GRIK4: variants seen among roughly 807,000 people sequenced by gnomAD.
GRIK4 encodes glutamate ionotropic receptor kainate type subunit 4.
Under a neutral mutation model 104.9 loss-of-function variants are expected in GRIK4, and 40 were observed. That is an observed-to-expected ratio of 0.38 (90% CI 0.30 to 0.50). GRIK4 has a LOEUF of 0.50. Among genes scored for constraint, GRIK4 ranks in the 20% least tolerant of loss-of-function variants. The pLI, the probability that GRIK4 is intolerant of heterozygous loss-of-function variation, is 0.93. For missense variants in GRIK4, 1,047 were observed against 1,308.1 expected (o/e 0.80, Z 3.08); for synonymous variants, 485 against 524.9 (o/e 0.92, Z 1.04).
chr11:120,929,913 T>A (rs1465511387), intron 13 of GRIK4, among the ~76,000 whole-genome samples: 1 of 151,984 alleles, frequency 6.6e-6, no homozygotes, highest in African/African-American at 2.4e-5. Context: ...TCCAGCCTCC[T>A]GACAAAAATC....
intron 1 of GRIK4, among the ~76,000 whole-genome samples, chr11:120,550,976 AG>A (rs1338964910): frequency 2.0e-5 from 3 of 152,136 alleles, no homozygotes; most frequent in Admixed American, 2.0e-4. Context: ...TGCACAGTGA[AG>A]GGCATGATCT....
At chr11:120,595,035 A>G (rs972648708) in intron 1 of GRIK4, among the ~76,000 whole-genome samples, 2 of 152,202 alleles carry the variant, frequency 1.3e-5, no homozygotes, top group African/African-American at 4.8e-5. Context: ...TTCAGGATCA[A>G]CCACAAAGTT....
At chr11:120,894,120 G>A (rs1942500536) in intron 11 of GRIK4, among the ~76,000 whole-genome samples, 1 of 152,188 alleles carries the variant, frequency 6.6e-6, no homozygotes, top group Non-Finnish European at 1.5e-5. Context: ...CCCATAGTGT[G>A]AAGCCTTTCA....
intron 1 of GRIK4, among the ~76,000 whole-genome samples, chr11:120,622,790 T>G (rs2135167776): frequency 6.6e-6 from 1 of 152,320 alleles, no homozygotes; most frequent in South Asian, 2.1e-4. Context: ...TCTGGTGGCT[T>G]TAGCTGGTCT....
intron 3 of GRIK4, among the ~76,000 whole-genome samples, chr11:120,748,747 T>C (rs1030493918): frequency 2.0e-5 from 3 of 152,122 alleles, no homozygotes; most frequent in Non-Finnish European, 2.9e-5. Context: ...CACCATTTGC[T>C]CTTTGCATGA....
chr11:120,711,103 T>G (rs985643622), intron 3 of GRIK4, among the ~76,000 whole-genome samples: 1 of 151,972 alleles, frequency 6.6e-6, no homozygotes, highest in African/African-American at 2.4e-5. Flanking sequence ...GAGCTCCAAG[T>G]CAGTGTCTCT....
chr11:120,922,733 C>T (rs4936563), intron 13 of GRIK4, among the ~76,000 whole-genome samples: 26,554 of 152,164 alleles, frequency 0.17, 3,057 homozygotes, highest in East Asian at 0.4. Context: ...TTAGTTGTGC[C>T]GATGGCGGTG....
At chr11:120,669,382 T>G (rs1030903167) in intron 3 of GRIK4, among the ~76,000 whole-genome samples, 3 of 152,252 alleles carry the variant, frequency 2.0e-5, no homozygotes, top group African/African-American at 7.2e-5. Context: ...TTCCCGCTTC[T>G]TAAAAACCTT....
intron 1 of GRIK4, among the ~76,000 whole-genome samples, chr11:120,590,158 G>A (rs2135110934): frequency 6.6e-6 from 1 of 152,200 alleles, no homozygotes; most frequent in East Asian, 1.9e-4. Context: ...TTCAACCAGA[G>A]CCTTCACCTT....
At position 120,570,685 on chromosome 11, in the gene GRIK4, G is replaced by A. The variant is rs539085126; in HGVS notation, c.-159+58798G>A. The stretch of plus-strand genomic sequence containing the variant: ...TGCCCAGGCTGGTCTCGAACTGCTG[G>A]GTTCAAGTGATCCTACCACCTTGGC... On this transcript the variant is annotated intron_variant, in intron 1 of 20. Transcript: ENST00000527524. 3.9e-5 allele frequency among the ~76,000 whole-genome samples: 6 copies of A among 152,196 alleles called. No individual in the cohort carries two copies. The East Asian group carries it at 1.2e-3, about 29-fold the overall frequency.
rs933923515 is a variant in GRIK4 at position 120,555,094 on chromosome 11, G to A, written c.-159+43207G>A. 7.2e-5 allele frequency among the ~76,000 whole-genome samples: 11 copies of A among 152,240 alleles called. No homozygotes were observed. Among genetic ancestry groups the A allele is most frequent in the Non-Finnish European group, 1.6e-4 (11 of 68,040 alleles). On this transcript the variant is annotated intron_variant, in intron 1 of 20. Coordinates refer to ENST00000527524, the MANE Select transcript of GRIK4 (RefSeq NM_014619.5). The surrounding 1 kb of genome is among the most constrained non-coding windows in gnomAD (Gnocchi z 5.3). ...GGCATGAGAAGGCGCTCTGCAGCCC[G>A]AGACCACAGGCTGCTGCCCAGATGT...
intron 1 of GRIK4, among the ~76,000 whole-genome samples, chr11:120,568,110 T>A (rs1477311870): frequency 6.6e-6 from 1 of 152,054 alleles, no homozygotes; most frequent in Admixed American, 6.6e-5. Context: ...CCCTGGAGTT[T>A]AAGGATGCTG....
intron 3 of GRIK4, among the ~76,000 whole-genome samples, chr11:120,685,994 G>A (rs1308406376): frequency 2.6e-5 from 4 of 152,080 alleles, no homozygotes; most frequent in African/African-American, 9.7e-5. Flanking sequence ...TACTTAGGCT[G>A]TAGATTTCAG....
intron 3 of GRIK4, among the ~76,000 whole-genome samples, chr11:120,753,515 A>G (rs1199088032): frequency 6.6e-6 from 1 of 152,158 alleles, no homozygotes; most frequent in Non-Finnish European, 1.5e-5. Context: ...GTATCCCAAC[A>G]AGTCCTATGT....
chr11:120,870,153 C>T (rs1954561699), intron 9 of GRIK4: 1 of 152,218 alleles, frequency 6.6e-6, no homozygotes, highest in African/African-American at 2.4e-5. Context: ...GGGTCACTCA[C>T]ACTGTCCCAA....
At chr11:120,840,296 A>T (rs950507177) in intron 8 of GRIK4, among the ~76,000 whole-genome samples, 1 of 152,202 alleles carries the variant, frequency 6.6e-6, no homozygotes, top group Non-Finnish European at 1.5e-5. Flanking sequence ...GAAACAGTGA[A>T]CTGACATCTG....
chr11:120,987,841 G>A lies in GRIK4; in HGVS notation c.*1581G>A, dbSNP rs527536015. 1 of 152,254 alleles carries A rather than the reference G, an allele frequency of 6.6e-6. No individual in the cohort carries two copies. Among genetic ancestry groups the A allele is most frequent in the East Asian group, 1.9e-4 (1 of 5,174 alleles). The allele number at this position is 152,254 out of a possible 1,614,324, so 9.4% of individuals were successfully genotyped here. On this transcript the variant is annotated 3_prime_UTR_variant, in exon 21 of 21. Coordinates refer to ENST00000527524, the MANE Select transcript of GRIK4 (RefSeq NM_014619.5). ...GGGAGTTTCACGCAGAGTTCTCATT[G>A]GCTGATGGAAAACAAATTCTATGCA...
At chr11:120,648,975 C>G (rs1949579839) in intron 1 of GRIK4, among the ~76,000 whole-genome samples, 1 of 152,218 alleles carries the variant, frequency 6.6e-6, no homozygotes, top group Admixed American at 6.5e-5. Flanking sequence ...AGTTTCTCCT[C>G]CCTTGGCCCC....
intron 1 of GRIK4, among the ~76,000 whole-genome samples, chr11:120,633,792 C>T (rs962798121): frequency 6.6e-6 from 1 of 152,052 alleles, no homozygotes; most frequent in African/African-American, 2.4e-5. Flanking sequence ...CTGGGGAGAA[C>T]CAAGCATAGG....
Sources: allele counts gnomAD v4.1 joint callset (sites outside exome capture counted in the v4.1 genomes callset), GRCh38; gene constraint gnomAD v4.1.1; non-coding constraint Gnocchi (gnomAD v3.1); transcripts MANE v1.5; gene names NCBI Gene and HGNC (gene_info 2026-07-23, HGNC 2026-07-21).